Variants in TAX1BP1 observed in about 807,000 individuals in gnomAD.
TAX1BP1 encodes the protein Tax1 binding protein 1, also known as tax1-binding protein 1.
Under a neutral mutation model 97.7 loss-of-function variants are expected in TAX1BP1, and 62 were observed. The observed-to-expected ratio is 0.63, with a 90% CI of 0.52 to 0.78. The LOEUF is 0.78. Ranked by LOEUF, TAX1BP1 falls within the 30% of genes least tolerant of loss-of-function variation. TAX1BP1 has a pLI of 0.00. For missense variants in TAX1BP1, 867 were observed against 916.1 expected (o/e 0.95, Z 0.69); for synonymous variants, 340 against 304.2 (o/e 1.12, Z -1.23).
intron 13 of TAX1BP1, among the ~76,000 whole-genome samples, chr7:27,812,323 T>G (rs1382224662): frequency 6.6e-6 from 1 of 152,226 alleles, no homozygotes; most frequent in Non-Finnish European, 1.5e-5. Context: ...TGTTCAAATC[T>G]ATTTTTTTTT....
chr7:27,766,519 T>A (rs1788651242), intron 4 of TAX1BP1, among the ~76,000 whole-genome samples: 2 of 149,172 alleles, frequency 1.3e-5, no homozygotes, highest in African/African-American at 2.5e-5. Context: ...TTTGAAATGC[T>A]TAAAAAAATC....
At chr7:27,794,485 A>G (rs752865196) in intron 11 of TAX1BP1, 39 bp downstream of exon 11, 2 of 1,548,226 alleles carry the variant, frequency 1.3e-6, no homozygotes, top group South Asian at 1.3e-5. Flanking sequence ...GGTGTCCTAC[A>G]TTGAAAAGTA....
In TAX1BP1 at chr7:27,828,629, T is replaced by C; in HGVS notation, c.2170T>C (p.Phe724Leu). The C allele has an allele frequency of 6.2e-7, 1 of 1,613,692 alleles. No individual in the cohort carries two copies. The highest frequency in any genetic ancestry group is 8.5e-7 in the Non-Finnish European group (1 of 1,179,734). Residue 724 changes from phenylalanine (F) to leucine (L), a missense_variant and splice_region_variant, in exon 17 of 17, where the codon TTT becomes CTT. Phe to Leu is a conservative substitution (Grantham distance 22, BLOSUM62 0). This residue lies in a region of TAX1BP1 where 822 missense variants were observed against 851.4 expected (regional missense o/e 0.97). Transcript: ENST00000396319. Reference sequence around the variant, plus strand: ...AATTCTTTCATTTTTCTCTTTAAGCTTTGATGTTCACAAGAAGTGTCCCCT... The same window carrying C: ...AATTCTTTCATTTTTCTCTTTAAGCCTTGATGTTCACAAGAAGTGTCCCCT... ...HGTGFCFDSS[F>L]DVHKKCPLCE... is the part of the protein sequence containing the mutation.
At chr7:27,773,797 A>C (rs1788931852) in intron 5 of TAX1BP1, among the ~76,000 whole-genome samples, 1 of 152,074 alleles carries the variant, frequency 6.6e-6, no homozygotes, top group Non-Finnish European at 1.5e-5. Flanking sequence ...AAAGAGTTAA[A>C]ACTGAGGCTC....
At chr7:27,752,681 G>A (rs959026702) in intron 2 of TAX1BP1, among the ~76,000 whole-genome samples, 1 of 152,108 alleles carries the variant, frequency 6.6e-6, no homozygotes, top group African/African-American at 2.4e-5. Context: ...AGTATTGATT[G>A]ATTAGTTTTA....
intron 13 of TAX1BP1, among the ~76,000 whole-genome samples, chr7:27,815,166 T>C (rs1675753994): frequency 6.6e-6 from 1 of 152,234 alleles, no homozygotes; most frequent in African/African-American, 2.4e-5. Context: ...CTATTTTGAA[T>C]GGAAGTGTTG....
At chr7:27,818,626 C>A (rs796738469) in intron 15 of TAX1BP1, among the ~76,000 whole-genome samples, 2 of 152,268 alleles carry the variant, frequency 1.3e-5, no homozygotes, top group African/African-American at 4.8e-5. Context: ...GCACCAGAAA[C>A]TGTGGTCAAT....
At chr7:27,739,684 T>C (rs1787492210), upstream of TAX1BP1, 1 of 152,200 alleles carries the variant, frequency 6.6e-6, no homozygotes, top group Non-Finnish European at 1.5e-5. Flanking sequence ...AGCACACGAC[T>C]GGGCCAGGAG....
chr7:27,760,416 G>A (rs537229055), intron 3 of TAX1BP1, among the ~76,000 whole-genome samples: 81 of 144,898 alleles, frequency 5.6e-4, no homozygotes, highest in Middle Eastern at 7.0e-3. Context: ...TTTTTGAGAC[G>A]GCTTCTTGCT....
rs546636700 is a variant in TAX1BP1 at position 27,766,074 on chromosome 7, C to T, written c.453+53C>T. 46 of 1,535,232 alleles carry T rather than the reference C, an allele frequency of 3.0e-5. 1 individual carries two copies. The African/African-American group carries it at 4.8e-4, about 16-fold the overall frequency. The stretch of plus-strand genomic sequence containing the variant: ...CATTGATAATTTTAAGAACAGAGCT[C>T]ATGTTGGTTGGCATTTTAAGAATTT... On this transcript the variant is annotated intron_variant, in intron 4 of 16. Transcript: ENST00000396319.
chr7:27,761,318 C>G (rs973217999), intron 3 of TAX1BP1, among the ~76,000 whole-genome samples: 1 of 152,032 alleles, frequency 6.6e-6, no homozygotes, highest in African/African-American at 2.4e-5. Context: ...ATTGATGGAC[C>G]AATATTAATA....
intron 1 of TAX1BP1, among the ~76,000 whole-genome samples, chr7:27,746,044 G>A (rs908693871): frequency 1.4e-4 from 21 of 151,996 alleles, no homozygotes; most frequent in Non-Finnish European, 2.4e-4. Flanking sequence ...TTATAATTGA[G>A]GTTAACAGAA....
At chr7:27,779,586 A>T (rs938395741) in intron 5 of TAX1BP1, among the ~76,000 whole-genome samples, 1 of 152,174 alleles carries the variant, frequency 6.6e-6, no homozygotes, top group African/African-American at 2.4e-5. Flanking sequence ...AGCCAATTTA[A>T]TTTTTTGTCT....
chr7:27,796,154 T>C lies in TAX1BP1; in HGVS notation c.1573T>C (p.Cys525Arg), dbSNP rs200687127. Residue 525 changes from cysteine (C) to arginine (R), a missense_variant, in exon 12 of 17, where the codon TGT (cysteine) becomes CGT (arginine). This residue lies in a region of TAX1BP1 where 822 missense variants were observed against 851.4 expected (regional missense o/e 0.97). Coordinates refer to ENST00000396319, the MANE Select transcript of TAX1BP1 (RefSeq NM_006024.7). ...DFDIVTKGQV[C>R]EMTKEIADKT... The stretch of plus-strand genomic sequence containing the variant: ...TGACATAGTAACAAAGGGGCAAGTC[T>C]GTGAAATGACCAAAGAAATTGCTGA... 65 of 1,605,168 alleles carry C rather than the reference T, an allele frequency of 4.0e-5. No homozygotes were observed. The East Asian group carries it at 1.5e-3, about 36-fold the overall frequency.
chr7:27,801,741 A>G (rs908268997), intron 13 of TAX1BP1, among the ~76,000 whole-genome samples: 4 of 152,240 alleles, frequency 2.6e-5, no homozygotes, highest in Non-Finnish European at 4.4e-5. Flanking sequence ...AAAAGTAAGC[A>G]TTGAGATCAA....
chr7:27,817,791 A>G (rs1051183721), intron 15 of TAX1BP1, among the ~76,000 whole-genome samples: 36 of 152,138 alleles, frequency 2.4e-4, no homozygotes, highest in African/African-American at 8.4e-4. Flanking sequence ...AGATGAATTT[A>G]AAAGAAATGC....
chr7:27,753,247 C>T (rs1002842141), intron 2 of TAX1BP1, among the ~76,000 whole-genome samples: 1 of 152,084 alleles, frequency 6.6e-6, no homozygotes, highest in Admixed American at 6.5e-5. Flanking sequence ...TTGCAGTGAG[C>T]AGAGATTGTA....
intron 15 of TAX1BP1, among the ~76,000 whole-genome samples, chr7:27,820,590 G>T (rs1017237437): frequency 2.6e-5 from 4 of 152,076 alleles, no homozygotes; most frequent in Admixed American, 2.6e-4. Context: ...TATCAAGAGA[G>T]CCAAGACAAT....
chr7:27,787,164 G>T lies in TAX1BP1; in HGVS notation c.853-254G>T, dbSNP rs943549276. Among the ~76,000 whole-genome samples, 6 of 152,118 alleles carry T rather than the reference G, an allele frequency of 3.9e-5. No individual in the cohort carries two copies. In the South Asian group the frequency reaches 6.2e-4, roughly 16 times the overall value. On this transcript the variant is annotated intron_variant, in intron 7 of 16. Coordinates refer to ENST00000396319, the MANE Select transcript of TAX1BP1 (RefSeq NM_006024.7). ...CTGAAACCATTAAATCAAAGGAAAAGACTTTAGAGATCAGGTGATGTTGTT... is the reference window on the plus strand; with the variant it reads ...CTGAAACCATTAAATCAAAGGAAAATACTTTAGAGATCAGGTGATGTTGTT...
Sources: gnomAD v4.1 joint callset for allele counts (sites outside exome capture counted in the v4.1 genomes callset) on GRCh38, gnomAD v4.1.1 for gene constraint, gnomAD v4.1.1 regional missense constraint, MANE v1.5 for transcripts, NCBI Gene and HGNC (gene_info 2026-07-23, HGNC 2026-07-21) for gene names.